The following KAZN variants were observed in gnomAD, a reference collection of about 807,000 sequenced individuals.
KAZN encodes the protein kazrin.
In KAZN, 40 loss-of-function variants were observed where a neutral mutation model predicts 87.4. That is an observed-to-expected ratio of 0.46 (90% CI 0.36 to 0.60). The LOEUF (loss-of-function observed/expected upper bound fraction) is 0.60, where lower values mean the gene tolerates loss of function less well. Among genes scored for constraint, KAZN ranks in the 20% least tolerant of loss-of-function variants. The pLI, the probability that KAZN is intolerant of heterozygous loss-of-function variation, is 0.00. For synonymous variants in KAZN, 466 were observed against 458.3 expected, an observed-to-expected ratio of 1.02 and a Z score of -0.22; for missense variants, 898 against 1,073.9, an observed-to-expected ratio of 0.84 and a Z score of 2.29.
In KAZN at chr1:14,637,017, GT is replaced by G. The variant is rs1465762867; in HGVS notation, c.226+37796del. Among the ~76,000 whole-genome samples, 498 of 152,252 alleles carry G rather than the reference GT, an allele frequency of 3.3e-3. 2 individuals are homozygous for G. The highest frequency in any genetic ancestry group is 0.011 in the African/African-American group (474 of 41,552). ...GGAGACCTCTGGAGGGCTGGACATG[GT>G]TACCCAGGAATCTGAGCTGACAGTT... On this transcript the variant is annotated intron_variant, in intron 1 of 14. Coordinates refer to ENST00000376030, the MANE Select transcript of KAZN (RefSeq NM_201628.3).
intron 2 of KAZN, among the ~76,000 whole-genome samples, chr1:14,577,049 A>G (rs1675235427): frequency 6.6e-6 from 1 of 152,222 alleles, no homozygotes. Context: ...TACTGATTAA[A>G]ATGTGAGAGG....
intron 1 of KAZN, chr1:14,692,074 G>A (rs187401334): frequency 2.2e-5 from 6 of 273,886 alleles, no homozygotes; most frequent in East Asian, 1.3e-4. Context: ...ATAATGAATT[G>A]TAAAATGGGC....
At chr1:13,947,180 G>C (rs180955337) in intron 1 of KAZN, among the ~76,000 whole-genome samples, 34 of 152,270 alleles carry the variant, frequency 2.2e-4, no homozygotes, top group African/African-American at 7.0e-4. Flanking sequence ...GAAGCCTCAG[G>C]AAACTCACGA....
intron 1 of KAZN, among the ~76,000 whole-genome samples, chr1:14,122,583 C>T (rs1281129973): frequency 6.6e-6 from 1 of 152,178 alleles, no homozygotes; most frequent in African/African-American, 2.4e-5. Context: ...CTGACGTTCT[C>T]TATTCTGTTA....
intron 1 of KAZN, among the ~76,000 whole-genome samples, chr1:14,062,147 T>G (rs1029206414): frequency 3.3e-5 from 5 of 152,100 alleles, no homozygotes; most frequent in East Asian, 1.9e-4. Flanking sequence ...CACCAAATAA[T>G]AAGAAGATGT....
chr1:14,786,836 T>C (rs1645523443), intron 1 of KAZN, among the ~76,000 whole-genome samples: 1 of 152,228 alleles, frequency 6.6e-6, no homozygotes, highest in African/African-American at 2.4e-5. Context: ...ACAATATTGT[T>C]ACTATGTGGA....
intron 2 of KAZN, among the ~76,000 whole-genome samples, chr1:14,477,461 T>C (rs994722803): frequency 7.2e-6 from 1 of 139,412 alleles, no homozygotes; most frequent in African/African-American, 3.1e-5. Flanking sequence ...TCTCTCTCTC[T>C]CTTTCTCTCT....
At chr1:14,440,570 A>C (rs1328701502) in intron 2 of KAZN, among the ~76,000 whole-genome samples, 2 of 152,194 alleles carry the variant, frequency 1.3e-5, no homozygotes, top group African/African-American at 4.8e-5. Flanking sequence ...GGTTGCTCAA[A>C]AAGATGTTTG....
chr1:14,921,504 A>G (rs1212730866), intron 1 of KAZN, among the ~76,000 whole-genome samples: 1 of 152,220 alleles, frequency 6.6e-6, no homozygotes, highest in Non-Finnish European at 1.5e-5. Flanking sequence ...AGTAGTTCTA[A>G]ACAAACAAAA....
Position 14,258,218 on chromosome 1 carries a change from C to CTTT in KAZN, c.249+77639_249+77641dup, listed in dbSNP as rs70997128. Among the ~76,000 whole-genome samples, 972 of 126,398 alleles carry CTTT rather than the reference C, an allele frequency of 7.7e-3. 12 individuals are homozygous for CTTT. The highest frequency in any genetic ancestry group is 0.018 in the South Asian group (70 of 3,916). The allele number at this position is 126,398 out of a possible 152,430, so 82.9% of individuals were successfully genotyped here. A position where few individuals can be genotyped will look rare whatever the true frequency, so the allele number is the denominator to read the frequency against. On this transcript the variant is annotated intron_variant, in intron 2 of 16. Transcript: ENST00000636203. ...AGATTCTTTCTTTCTTTCTTTCTTT[C>CTTT]TTTTTTTTTTTTTTTGAGACAGAGT... is the stretch of plus-strand genomic sequence containing the variant.
intron 1 of KAZN, among the ~76,000 whole-genome samples, chr1:14,635,028 G>A (rs554845807): frequency 1.3e-5 from 2 of 152,182 alleles, no homozygotes; most frequent in South Asian, 2.1e-4. Context: ...TCCATAAAAT[G>A]ATGAGGGGGA....
intron 1 of KAZN, among the ~76,000 whole-genome samples, chr1:14,079,035 G>T (rs1011458591): frequency 6.6e-6 from 1 of 152,204 alleles, no homozygotes; most frequent in Non-Finnish European, 1.5e-5. Context: ...TTGCGTTGCT[G>T]TAAAGGAATA....
chr1:14,567,434 C>G (rs906959976), intron 2 of KAZN, among the ~76,000 whole-genome samples: 3 of 152,126 alleles, frequency 2.0e-5, no homozygotes, highest in Admixed American at 6.5e-5. Flanking sequence ...AAAATCACCA[C>G]AATGTGATAC....
intron 8 of KAZN, among the ~76,000 whole-genome samples, chr1:15,072,076 A>G (rs1211420150): frequency 6.6e-6 from 1 of 152,150 alleles, no homozygotes; most frequent in East Asian, 1.9e-4. Flanking sequence ...AATCGCTCCC[A>G]GTTCTGGCCC....
intron 1 of KAZN, among the ~76,000 whole-genome samples, chr1:14,071,290 G>A (rs908299220): frequency 6.6e-6 from 1 of 152,106 alleles, no homozygotes; most frequent in Non-Finnish European, 1.5e-5. Context: ...CTGACCCTGT[G>A]GACCCCCTGA....
chr1:13,972,564 C>T (rs1338684477), intron 1 of KAZN, among the ~76,000 whole-genome samples: 1 of 152,116 alleles, frequency 6.6e-6, no homozygotes, highest in African/African-American at 2.4e-5. Context: ...TCTATAACAC[C>T]AGGATTAACA....
At chr1:14,907,439 C>T (rs1443070327) in intron 1 of KAZN, among the ~76,000 whole-genome samples, 1 of 151,284 alleles carries the variant, frequency 6.6e-6, no homozygotes, top group African/African-American at 2.4e-5. Flanking sequence ...GAATCTCAGA[C>T]CCCACCCCAG....
At chr1:14,009,795 C>T (rs1039013329) in intron 1 of KAZN, among the ~76,000 whole-genome samples, 1 of 152,200 alleles carries the variant, frequency 6.6e-6, no homozygotes, top group Non-Finnish European at 1.5e-5. Context: ...AGTTCACATT[C>T]CACAATGTGC....
intron 2 of KAZN, among the ~76,000 whole-genome samples, chr1:14,270,107 T>TG (rs1651803119): frequency 6.6e-6 from 1 of 152,068 alleles, no homozygotes; most frequent in Non-Finnish European, 1.5e-5. Context: ...ACTACCACAC[T>TG]GGGGGTCAGA....
Sources: gnomAD v4.1 joint callset for allele counts (sites outside exome capture counted in the v4.1 genomes callset) on GRCh38, gnomAD v4.1.1 for gene constraint, MANE v1.5 for transcripts, NCBI Gene and HGNC (gene_info 2026-07-23, HGNC 2026-07-21) for gene names.